ADAM19: variants seen among roughly 807,000 people sequenced by gnomAD.
ADAM19 encodes ADAM metallopeptidase domain 19, also known as disintegrin and metalloproteinase domain-containing protein 19.
Under a neutral mutation model 114.7 loss-of-function variants are expected in ADAM19, and 65 were observed. The observed-to-expected ratio is 0.57, with a 90% CI of 0.46 to 0.70. ADAM19 has a LOEUF of 0.70. Among genes scored for constraint, ADAM19 ranks in the 30% least tolerant of loss-of-function variants. The pLI is 0.00. For synonymous variants in ADAM19, 466 were observed against 460.5 expected (o/e 1.01, Z -0.15); for missense variants, 1,063 against 1,204.7 (o/e 0.88, Z 1.74).
chr5:157,513,351 C>G (rs1422417967), intron 8 of ADAM19, 83 bp downstream of exon 8: 1 of 1,397,536 alleles, frequency 7.2e-7, no homozygotes, highest in Non-Finnish European at 1.0e-6. Flanking sequence ...GCTGGGGCAG[C>G]CAATCCAGCA....
chr5:157,539,425 G>A (rs1458721320), intron 3 of ADAM19, among the ~76,000 whole-genome samples: 1 of 152,204 alleles, frequency 6.6e-6, no homozygotes, highest in African/African-American at 2.4e-5. Context: ...CCCAGCAAGA[G>A]AGGGTCATCG....
At chr5:157,575,398 C>T (rs890416501) in intron 1 of ADAM19, among the ~76,000 whole-genome samples, 4 of 152,252 alleles carry the variant, frequency 2.6e-5, no homozygotes, top group African/African-American at 9.6e-5. Flanking sequence ...TTTCTGGCTG[C>T]GCCGGGTTTC....
At position 157,493,007 on chromosome 5, in the gene ADAM19, A is replaced by C; in HGVS notation, c.1874T>G (p.Leu625Arg). The change falls in exon 16 of 23, where the codon CTG becomes CGG. Residue 625 changes from leucine to arginine, a missense_variant. Leu to Arg is a moderately radical substitution (Grantham distance 102). Around this residue, in one of 3 missense-constraint regions of ADAM19, gnomAD observed 424 missense variants for 445.5 expected, o/e 0.95. Coordinates refer to ENST00000257527, the MANE Select transcript of ADAM19 (RefSeq NM_033274.5). ...GCCACACTTGGTTCCAGTCATCACC[A>C]GCCCTGGGTCCAGCATGTCACCCTC... ...EEEGDMLDPG[L>R]VMTGTKCGYN... 1 of 1,614,250 alleles carries C rather than the reference A, an allele frequency of 6.2e-7. No individual in the cohort carries two copies. The highest frequency in any genetic ancestry group is 8.5e-7 in the Non-Finnish European group (1 of 1,180,044).
At chr5:157,568,976 T>C (rs904882738) in intron 2 of ADAM19, 1 of 152,320 alleles carries the variant, frequency 6.6e-6, no homozygotes, top group East Asian at 1.9e-4. Context: ...AGGCCCTTCC[T>C]GAGGATGCCC....
chr5:157,484,476 C>A (rs533952700), intron 21 of ADAM19, among the ~76,000 whole-genome samples: 24 of 152,278 alleles, frequency 1.6e-4, no homozygotes, highest in African/African-American at 5.3e-4. Flanking sequence ...AAGGGGAAGC[C>A]AACTGCATAG....
intron 12 of ADAM19, among the ~76,000 whole-genome samples, chr5:157,500,668 A>AT (rs1282177400): frequency 9.2e-5 from 14 of 151,908 alleles, no homozygotes; most frequent in Admixed American, 7.2e-4. Context: ...GTTTCCTTAG[A>AT]TTTTTTTCTC....
intron 13 of ADAM19, among the ~76,000 whole-genome samples, chr5:157,498,987 G>A (rs192458892): frequency 8.6e-4 from 131 of 151,922 alleles, no homozygotes; most frequent in African/African-American, 2.7e-3. Flanking sequence ...GTGGTTCTAC[G>A]GTAACACTAG....
chr5:157,496,972 A>T lies in ADAM19; in HGVS notation c.1516T>A (p.Cys506Ser). ...TAGCAGTAGGCCTGGCCGCCCTCAC[A>T]GGGGGTACCATCCATCTGGTAGAAG... is the stretch of plus-strand genomic sequence containing the variant. ...TNFYQMDGTP[C>S]EGGQAYCYNG... Residue 506 changes from cysteine to serine, a missense_variant, in exon 14 of 23, where the codon TGT becomes AGT. Cys to Ser is a moderately radical substitution (Grantham distance 112). Around this residue, in one of 3 missense-constraint regions of ADAM19, gnomAD observed 615 missense variants for 706.3 expected, o/e 0.87. Transcript: ENST00000257527. 1.3e-6 allele frequency: 2 copies of T among 1,598,480 alleles called. No individual in the cohort carries two copies. Among genetic ancestry groups the T allele is most frequent in the Non-Finnish European group, 1.7e-6 (2 of 1,173,432 alleles).
Position 157,518,951 on chromosome 5 carries a change from T to C in ADAM19, c.601-63A>G, listed in dbSNP as rs1756184687. 7.9e-6 allele frequency: 11 copies of C among 1,399,586 alleles called. No individual in the cohort carries two copies. In the Admixed American group the frequency reaches 1.2e-4, roughly 15 times the overall value. The allele number at this position is 1,399,586 out of a possible 1,614,324, so 86.7% of individuals were successfully genotyped here. ...GGACTTGGCCTCATTTTTAAAAAAC[T>C]GCTAAGAAACAGAGCTGCTGGATAA... is the stretch of plus-strand genomic sequence containing the variant. On this transcript the variant is annotated intron_variant, in intron 6 of 22. Coordinates refer to ENST00000257527, the MANE Select transcript of ADAM19 (RefSeq NM_033274.5).
chr5:157,562,146 T>G (rs562106344), intron 3 of ADAM19, among the ~76,000 whole-genome samples: 9 of 152,246 alleles, frequency 5.9e-5, no homozygotes, highest in Admixed American at 3.3e-4. Flanking sequence ...ATAAACACAC[T>G]AGGAAGTCGT....
Position 157,479,335 on chromosome 5 carries a change from T to G in ADAM19, c.*1614A>C, listed in dbSNP as rs1271007418. On this transcript the variant is annotated 3_prime_UTR_variant, in exon 23 of 23. Coordinates refer to ENST00000257527, the MANE Select transcript of ADAM19 (RefSeq NM_033274.5). ...TATAAGGAGGCCCTGGGGTGGTGAA[T>G]CAGAAGCTCAGCCTCAGCCTTGCAG... The G allele has an allele frequency of 1.0e-6, 1 of 985,746 alleles. No homozygotes were observed. Among genetic ancestry groups the G allele is most frequent in the Non-Finnish European group, 1.2e-6 (1 of 830,042 alleles). The allele number at this position is 985,746 out of a possible 1,614,324, so 61.1% of individuals were successfully genotyped here.
chr5:157,544,872 G>C (rs1289707198), intron 3 of ADAM19, among the ~76,000 whole-genome samples: 3 of 152,164 alleles, frequency 2.0e-5, no homozygotes, highest in Admixed American at 6.5e-5. Flanking sequence ...AACCTGAAGG[G>C]AAAGACGAAT....
chr5:157,560,561 T>A (rs1757484674), intron 3 of ADAM19, among the ~76,000 whole-genome samples: 1 of 152,232 alleles, frequency 6.6e-6, no homozygotes. Flanking sequence ...AGCAGAAGAC[T>A]GTCTTCATGA....
At chr5:157,495,630 A>G (rs1755336033) in intron 14 of ADAM19, among the ~76,000 whole-genome samples, 1 of 151,964 alleles carries the variant, frequency 6.6e-6, no homozygotes. Context: ...GAATGGAAGC[A>G]TATTCTTTTT....
chr5:157,535,775 G>C (rs976433731), intron 4 of ADAM19, among the ~76,000 whole-genome samples: 1 of 152,252 alleles, frequency 6.6e-6, no homozygotes, highest in African/African-American at 2.4e-5. Flanking sequence ...CCACCCCAAG[G>C]GGGCTTTCAT....
At chr5:157,495,996 C>T (rs1322501707) in intron 14 of ADAM19, among the ~76,000 whole-genome samples, 2 of 127,560 alleles carry the variant, frequency 1.6e-5, no homozygotes, top group African/African-American at 3.0e-5. Context: ...GGGCTGGAGT[C>T]CTAGAGTGGA....
At chr5:157,548,895 G>A (rs1447435735) in intron 3 of ADAM19, among the ~76,000 whole-genome samples, 1 of 152,190 alleles carries the variant, frequency 6.6e-6, no homozygotes, top group Non-Finnish European at 1.5e-5. Flanking sequence ...TGGGAGAAAA[G>A]AGAAGGCCGA....
intron 14 of ADAM19, among the ~76,000 whole-genome samples, 162 bp downstream of exon 14, chr5:157,496,732 C>T (rs11466779): frequency 5.8e-4 from 88 of 152,322 alleles, no homozygotes; most frequent in African/African-American, 2.1e-3. Context: ...GGAACACTGT[C>T]CTCTGGTTCT....
intron 11 of ADAM19, among the ~76,000 whole-genome samples, chr5:157,505,228 G>T (rs1755703815): frequency 6.6e-6 from 1 of 152,010 alleles, no homozygotes; most frequent in Non-Finnish European, 1.5e-5. Flanking sequence ...GTCACTGTGG[G>T]GTGTGTGGAT....
Sources: allele counts gnomAD v4.1 joint callset (sites outside exome capture counted in the v4.1 genomes callset), GRCh38; gene constraint gnomAD v4.1.1; regional missense constraint gnomAD v4.1.1; transcripts MANE v1.5; gene names NCBI Gene and HGNC (gene_info 2026-07-23, HGNC 2026-07-21).